TGFB2: variants seen among roughly 807,000 people sequenced by gnomAD.
TGFB2 encodes the protein transforming growth factor beta 2.
TGFB2 carries 13 observed loss-of-function variants against 42.7 expected under a neutral mutation model. The ratio of observed to expected loss-of-function variants is 0.30; its 90% CI spans 0.20 to 0.48. The LOEUF (loss-of-function observed/expected upper bound fraction) is 0.48. TGFB2 is among the 20% of genes least tolerant of loss of function. The pLI is 0.99. For missense variants in TGFB2, 390 were observed against 517.5 expected, an observed-to-expected ratio of 0.75 and a Z score of 2.39; for synonymous variants, 193 against 193.6, an observed-to-expected ratio of 1.00 and a Z score of 0.03.
At chr1:218,414,048 A>T (rs1558252610) in intron 2 of TGFB2, among the ~76,000 whole-genome samples, 1 of 152,202 alleles carries the variant, frequency 6.6e-6, no homozygotes, top group Non-Finnish European at 1.5e-5. Context: ...TCTGCAACAG[A>T]TTTTAAAATG....
rs573872731 is a variant in TGFB2 at position 218,428,594 on chromosome 1, T to A, written c.511-5488T>A. Among the ~76,000 whole-genome samples, 3 of 152,314 alleles carry A rather than the reference T, an allele frequency of 2.0e-5. No individual in the cohort carries two copies. The South Asian group carries it at 6.2e-4, about 32-fold the overall frequency. Reference sequence around the variant, plus strand: ...CCAGCACCATTTATTAAATAGGGAATCCTTTCTCCATTTCTTGTTTTTGTC... The same window carrying A: ...CCAGCACCATTTATTAAATAGGGAAACCTTTCTCCATTTCTTGTTTTTGTC... On this transcript the variant is annotated intron_variant, in intron 2 of 6. Transcript: ENST00000366930.
chr1:218,387,325 C>T (rs1050474999), intron 1 of TGFB2, among the ~76,000 whole-genome samples: 7 of 151,980 alleles, frequency 4.6e-5, no homozygotes, highest in African/African-American at 1.2e-4. Context: ...ATTGACATGC[C>T]GTGGAGTTGT....
rs865860849 is a variant in TGFB2, at chr1:218,431,474, A to G, written c.511-2608A>G. ...TTTAAAAATTCTGTGTCTTTAGTGA[A>G]ACTGGACATATATATACACACATAT... On this transcript the variant is annotated intron_variant, in intron 2 of 6. Coordinates refer to ENST00000366930, the MANE Select transcript of TGFB2 (RefSeq NM_003238.6). 7.9e-5 allele frequency among the ~76,000 whole-genome samples: 12 copies of G among 152,222 alleles called. No individual in the cohort carries two copies. In the South Asian group the frequency reaches 1.9e-3, roughly 24 times the overall value.
intron 1 of TGFB2, among the ~76,000 whole-genome samples, chr1:218,360,957 C>A (rs148361199): frequency 0.022 from 3,330 of 152,280 alleles, 110 homozygotes; most frequent in African/African-American, 0.076. Context: ...TGGGTTCAAG[C>A]GATTCTTCTA....
At chr1:218,415,387 G>T (rs1022588680) in intron 2 of TGFB2, among the ~76,000 whole-genome samples, 42 of 152,016 alleles carry the variant, frequency 2.8e-4, no homozygotes, top group African/African-American at 1.0e-3. Flanking sequence ...TCAGCTTGTG[G>T]TGGTTCATTA....
At chr1:218,358,176 C>A (rs779757796) in intron 1 of TGFB2, among the ~76,000 whole-genome samples, 5 of 152,228 alleles carry the variant, frequency 3.3e-5, no homozygotes, top group Non-Finnish European at 5.9e-5. Flanking sequence ...CGCAAGTCCA[C>A]TGGTCTTTGC....
intron 1 of TGFB2, among the ~76,000 whole-genome samples, chr1:218,390,171 AG>A (rs1004633208): frequency 8.8e-5 from 13 of 148,362 alleles, no homozygotes; most frequent in Admixed American, 8.7e-4. Context: ...ACTAACTAAA[AG>A]CATTTGTCGT....
intron 1 of TGFB2, among the ~76,000 whole-genome samples, chr1:218,395,519 G>A (rs1658476731): frequency 1.3e-5 from 2 of 152,052 alleles, no homozygotes; most frequent in African/African-American, 4.8e-5. Flanking sequence ...ATATTATACT[G>A]AAAAGCTTTG....
At position 218,441,193 on chromosome 1, in the gene TGFB2, T is replaced by C; in HGVS notation, c.1087-11T>C. On this transcript the variant is annotated splice_polypyrimidine_tract_variant and intron_variant, in intron 6 of 6. Coordinates refer to ENST00000366930, the MANE Select transcript of TGFB2 (RefSeq NM_003238.6). ...TCCCTATGTTGTCTCTCCTCTCCTG[T>C]GTCCTTTCAGGTCCTGAGCTTATAT... 6.2e-7 allele frequency: 1 copy of C among 1,600,662 alleles called. No homozygotes were observed. Among genetic ancestry groups the C allele is most frequent in the Non-Finnish European group, 8.5e-7 (1 of 1,176,950 alleles).
intron 1 of TGFB2, among the ~76,000 whole-genome samples, chr1:218,377,421 G>C (rs887613435): frequency 1.3e-5 from 2 of 152,178 alleles, no homozygotes; most frequent in Non-Finnish European, 2.9e-5. Flanking sequence ...AGTGCTTTAC[G>C]TGGCTTTGAA....
chr1:218,398,057 G>T (rs530920521), intron 1 of TGFB2, among the ~76,000 whole-genome samples: 1 of 152,332 alleles, frequency 6.6e-6, no homozygotes, highest in South Asian at 2.1e-4. Context: ...AAACACTAAA[G>T]CCTCCTTCTT....
chr1:218,441,530 C>A lies in TGFB2; in HGVS notation c.*168C>A. 1.8e-6 allele frequency: 1 copy of A among 568,436 alleles called. No homozygotes were observed. The highest frequency in any genetic ancestry group is 2.7e-6 in the Non-Finnish European group (1 of 363,918). The allele number at this position is 568,436 out of a possible 1,614,324, so 35.2% of individuals were successfully genotyped here. ...TTCAGACACTTTGGAAGTTTGTGTTCTGTTTGTTAAAACTGGCATCTGACA... is the reference window on the plus strand; with the variant it reads ...TTCAGACACTTTGGAAGTTTGTGTTATGTTTGTTAAAACTGGCATCTGACA... On this transcript the variant is annotated 3_prime_UTR_variant, in exon 7 of 7. Coordinates refer to ENST00000366930, the MANE Select transcript of TGFB2 (RefSeq NM_003238.6).
chr1:218,350,031 T>G (rs970366459), intron 1 of TGFB2, among the ~76,000 whole-genome samples: 1 of 152,182 alleles, frequency 6.6e-6, no homozygotes, highest in Admixed American at 6.6e-5. Context: ...CACTGGGAAT[T>G]AGTGGACCTC....
At chr1:218,406,388 C>T (rs996684634) in intron 2 of TGFB2, among the ~76,000 whole-genome samples, 2 of 152,124 alleles carry the variant, frequency 1.3e-5, no homozygotes, top group Non-Finnish European at 2.9e-5. Context: ...GTCTACAGGG[C>T]ATTTGCATCG....
intron 1 of TGFB2, among the ~76,000 whole-genome samples, chr1:218,362,952 T>C (rs558474168): frequency 1.6e-4 from 25 of 152,378 alleles, no homozygotes; most frequent in African/African-American, 6.0e-4. Flanking sequence ...CAAAGTTTTA[T>C]TCTTAATCGG....
intron 1 of TGFB2, among the ~76,000 whole-genome samples, chr1:218,359,316 C>T (rs1040838815): frequency 6.6e-6 from 1 of 152,164 alleles, no homozygotes; most frequent in African/African-American, 2.4e-5. Flanking sequence ...TTTAGTCACT[C>T]ATTTGTATCT....
intron 1 of TGFB2, among the ~76,000 whole-genome samples, chr1:218,379,487 C>CTTTTTTTT (rs59224313): frequency 1.9e-4 from 26 of 133,374 alleles, no homozygotes; most frequent in East Asian, 6.8e-4. Context: ...TTCTTTCTTT[C>CTTTTTTTT]TTTTTTTTTT....
At chr1:218,396,541 C>CT (rs542373636) in intron 1 of TGFB2, among the ~76,000 whole-genome samples, 31 of 142,722 alleles carry the variant, frequency 2.2e-4, no homozygotes, top group South Asian at 6.9e-4. Flanking sequence ...TGTTTGGTTT[C>CT]TTTTTTTTTT....
intron 1 of TGFB2, among the ~76,000 whole-genome samples, chr1:218,393,349 G>T (rs532471594): frequency 2.2e-4 from 33 of 152,278 alleles, no homozygotes; most frequent in African/African-American, 7.7e-4. Context: ...TTACCCTTCA[G>T]TTTCTTAATC....
Sources: allele counts gnomAD v4.1 joint callset (sites outside exome capture counted in the v4.1 genomes callset), GRCh38; gene constraint gnomAD v4.1.1; transcripts MANE v1.5; gene names NCBI Gene and HGNC (gene_info 2026-07-23, HGNC 2026-07-21).